The following GALNTL6 variants were observed in gnomAD, a reference collection of about 807,000 sequenced individuals.
GALNTL6 encodes the protein polypeptide N-acetylgalactosaminyltransferase-like 6.
Under a neutral mutation model 73.7 loss-of-function variants are expected in GALNTL6, and 46 were observed. The ratio of observed to expected loss-of-function variants is 0.62; its 90% CI spans 0.49 to 0.80. The LOEUF (loss-of-function observed/expected upper bound fraction) is 0.80. Among genes scored for constraint, GALNTL6 ranks in the 30% least tolerant of loss-of-function variants. The probability of loss-of-function intolerance (pLI) is 0.00; values close to 1 mark genes in which losing one functional copy is unlikely to be tolerated. For missense variants in GALNTL6, 604 were observed against 755.0 expected (o/e 0.80, Z 2.34); for synonymous variants, 259 against 263.7 (o/e 0.98, Z 0.17).
At chr4:172,365,935 CT>C (rs1742544470) in intron 5 of GALNTL6, among the ~76,000 whole-genome samples, 1 of 151,940 alleles carries the variant, frequency 6.6e-6, no homozygotes. Context: ...TGAGATAAGC[CT>C]TATATAACTG....
intron 5 of GALNTL6, among the ~76,000 whole-genome samples, chr4:172,638,888 TG>T (rs1345837837): frequency 1.3e-5 from 2 of 152,160 alleles, no homozygotes; most frequent in Non-Finnish European, 2.9e-5. Context: ...TGAAGAGTAC[TG>T]ACCATTTATT....
intron 3 of GALNTL6, among the ~76,000 whole-genome samples, chr4:172,291,736 C>G (rs1739480350): frequency 6.6e-6 from 1 of 151,826 alleles, no homozygotes; most frequent in Admixed American, 6.6e-5. Context: ...CCCCCTCCCC[C>G]TGCCCCAGTA....
intron 2 of GALNTL6, among the ~76,000 whole-genome samples, chr4:172,087,629 T>C (rs1232872599): frequency 6.6e-6 from 1 of 152,020 alleles, no homozygotes; most frequent in African/African-American, 2.4e-5. Context: ...ATATATATCA[T>C]TGCCTTTTAA....
intron 5 of GALNTL6, among the ~76,000 whole-genome samples, chr4:172,680,498 A>T (rs1579328796): frequency 6.6e-6 from 1 of 152,270 alleles, no homozygotes. Context: ...AAATTAAGAG[A>T]TCTAAATTAT....
At chr4:172,482,247 G>A (rs939899214) in intron 5 of GALNTL6, among the ~76,000 whole-genome samples, 4 of 152,132 alleles carry the variant, frequency 2.6e-5, no homozygotes, top group Non-Finnish European at 4.4e-5. Context: ...TCCCACCTGC[G>A]CCTCTCCCTC....
chr4:171,921,738 G>C (rs1382398345), intron 2 of GALNTL6, among the ~76,000 whole-genome samples: 1 of 151,952 alleles, frequency 6.6e-6, no homozygotes, highest in African/African-American at 2.4e-5. Flanking sequence ...TTTCAAAGGA[G>C]CTTTAAGATA....
chr4:172,089,357 G>A (rs761129051), intron 2 of GALNTL6, among the ~76,000 whole-genome samples: 2 of 152,166 alleles, frequency 1.3e-5, no homozygotes, highest in Non-Finnish European at 2.9e-5. Flanking sequence ...GGCAGACAGC[G>A]GCAATCTGAC....
intron 2 of GALNTL6, among the ~76,000 whole-genome samples, chr4:172,053,713 G>A (rs1179395590): frequency 2.0e-5 from 3 of 152,088 alleles, no homozygotes; most frequent in South Asian, 2.1e-4. Context: ...AGAAACAAAT[G>A]AGCTGTGTCT....
chr4:172,672,595 G>A (rs1329192363), intron 5 of GALNTL6, among the ~76,000 whole-genome samples: 3 of 152,210 alleles, frequency 2.0e-5, no homozygotes, highest in Non-Finnish European at 2.9e-5. Flanking sequence ...AATGGTATCA[G>A]CTCTTCTTTG....
chr4:172,619,289 C>G (rs1020013410), intron 5 of GALNTL6, among the ~76,000 whole-genome samples: 11 of 152,160 alleles, frequency 7.2e-5, no homozygotes, highest in African/African-American at 2.7e-4. Context: ...CTCTCCACTT[C>G]TGAATCATGT....
chr4:171,988,484 G>A (rs1740190751), intron 2 of GALNTL6, among the ~76,000 whole-genome samples: 1 of 152,154 alleles, frequency 6.6e-6, no homozygotes, highest in African/African-American at 2.4e-5. Flanking sequence ...GGGATGAAGG[G>A]TGCAAAGGAA....
intron 5 of GALNTL6, among the ~76,000 whole-genome samples, chr4:172,447,301 C>G (rs1397191281): frequency 4.6e-5 from 7 of 152,152 alleles, no homozygotes; most frequent in African/African-American, 1.7e-4. Context: ...GTATCAGTCT[C>G]CCATTATATT....
chr4:172,866,815 A>G (rs1207580708), intron 7 of GALNTL6, among the ~76,000 whole-genome samples: 1 of 151,984 alleles, frequency 6.6e-6, no homozygotes, highest in African/African-American at 2.4e-5. Flanking sequence ...TCTCTAGACC[A>G]TTTTCCCTGA....
At chr4:172,780,666 T>C (rs1739327666) in intron 5 of GALNTL6, among the ~76,000 whole-genome samples, 1 of 152,226 alleles carries the variant, frequency 6.6e-6, no homozygotes, top group Non-Finnish European at 1.5e-5. Flanking sequence ...GATGGAAATA[T>C]CTGTTTCATT....
chr4:171,908,989 T>G lies in GALNTL6; in HGVS notation c.138+94271T>G, dbSNP rs544839968. On this transcript the variant is annotated intron_variant, in intron 2 of 12. Transcript: ENST00000506823. ...AAGGGGAACATCACACTCTGGGGACTGTTGTGGGGTGGGGGGAGGGAGGAG... is the reference window on the plus strand; with the variant it reads ...AAGGGGAACATCACACTCTGGGGACGGTTGTGGGGTGGGGGGAGGGAGGAG... Among the ~76,000 whole-genome samples the G allele has an allele frequency of 4.2e-5, 4 of 96,376 alleles. No homozygotes were observed. In the East Asian group the frequency reaches 1.4e-3, roughly 33 times the overall value. 63.2% of individuals were successfully genotyped at this position (96,376 alleles called of 152,430 possible). A position where few individuals can be genotyped will look rare whatever the true frequency, so the allele number is the denominator to read the frequency against.
chr4:172,873,200 T>C (rs1450025280), intron 7 of GALNTL6, among the ~76,000 whole-genome samples: 1 of 152,204 alleles, frequency 6.6e-6, no homozygotes, highest in African/African-American at 2.4e-5. Context: ...AAGGAAAGAC[T>C]CTTCCACCAG....
At chr4:172,767,950 G>A (rs949538512) in intron 5 of GALNTL6, among the ~76,000 whole-genome samples, 6 of 152,050 alleles carry the variant, frequency 3.9e-5, no homozygotes, top group African/African-American at 1.4e-4. Context: ...TTACAGGCGT[G>A]AGCCACTGCG....
intron 3 of GALNTL6, among the ~76,000 whole-genome samples, chr4:172,298,331 T>C (rs545904731): frequency 6.6e-6 from 1 of 152,266 alleles, no homozygotes; most frequent in African/African-American, 2.4e-5. Flanking sequence ...TTTTCCTAAT[T>C]GAATACCCTT....
At chr4:172,128,643 T>C (rs971973611) in intron 2 of GALNTL6, among the ~76,000 whole-genome samples, 1 of 152,222 alleles carries the variant, frequency 6.6e-6, no homozygotes, top group Non-Finnish European at 1.5e-5. Flanking sequence ...TTTGAGTTTT[T>C]AATGAGTTTC....
Sources: allele counts gnomAD v4.1 joint callset (sites outside exome capture counted in the v4.1 genomes callset), GRCh38; gene constraint gnomAD v4.1.1; transcripts MANE v1.5; gene names NCBI Gene and HGNC (gene_info 2026-07-23, HGNC 2026-07-21).